The following IRGM variants were observed in gnomAD, a reference collection of about 807,000 sequenced individuals.
IRGM encodes immunity related GTPase M, also known as immunity-related GTPase family M protein.
For synonymous variants in IRGM, 98 were observed against 80.6 expected (o/e 1.22, Z -1.16); for missense variants, 288 against 219.9 (o/e 1.31, Z -1.96).
In IRGM at chr5:150,848,381, G is replaced by A; in HGVS notation, c.258G>A (p.Val86=). 1.3e-6 allele frequency: 2 copies of A among 1,551,806 alleles called. No individual in the cohort carries two copies. Among genetic ancestry groups the A allele is most frequent in the Non-Finnish European group, 1.7e-6 (2 of 1,146,970 alleles). The stretch of plus-strand genomic sequence containing the variant: ...ATTTCTCTTCCCACTTTTCAAATGT[G>A]GTGTTGTGGGACCTGCCTGGCACAG... ...ASYFSSHFSN[V]VLWDLPGTGS... is the part of the protein sequence containing the mutation. The change falls in exon 2 of 2, where the codon GTG becomes GTA. Residue 86 remains valine (V), a synonymous_variant. Transcript: ENST00000522154.
chr5:150,869,895 T>G (rs1180788893), intron 1 of IRGM, among the ~76,000 whole-genome samples: 2 of 152,114 alleles, frequency 1.3e-5, no homozygotes. Flanking sequence ...TCAATTTGTC[T>G]CATGTTGCTC....
In IRGM at chr5:150,858,695, A is replaced by T. The variant is rs1581641993; in HGVS notation, c.158+10041A>T. ...TTTATTCTCTTTGAAGCAATTGTGA[A>T]TGGGAGTTCACTCATGATTTGGCTC... On this transcript the variant is annotated intron_variant and NMD_transcript_variant, in intron 1 of 3. Coordinates refer to the IRGM transcript ENST00000520549. Among the ~76,000 whole-genome samples, 6 of 151,996 alleles carry T rather than the reference A, an allele frequency of 3.9e-5. No individual in the cohort carries two copies. The South Asian group carries it at 1.2e-3, about 32-fold the overall frequency.
downstream of IRGM, among the ~76,000 whole-genome samples, chr5:150,850,857 C>T (rs1305334946): frequency 2.0e-5 from 3 of 152,140 alleles, no homozygotes; most frequent in Non-Finnish European, 4.4e-5. Context: ...AGCTCCCAGG[C>T]CCAGGAGGAC....
chr5:150,899,409 ACAT>A (rs1232115114), intron 3 of IRGM, among the ~76,000 whole-genome samples: 4 of 151,636 alleles, frequency 2.6e-5, no homozygotes, highest in Non-Finnish European at 4.4e-5. Context: ...CTTTGTAAGT[ACAT>A]TTTTTTTTAA....
chr5:150,902,252 A>G (rs1162841817), downstream of IRGM, among the ~76,000 whole-genome samples: 1 of 152,214 alleles, frequency 6.6e-6, no homozygotes, highest in African/African-American at 2.4e-5. Context: ...CACTAATCCT[A>G]CAAATTCTGA....
intron 3 of IRGM, chr5:150,894,897 G>A (rs1754700799): frequency 1.3e-5 from 2 of 152,292 alleles, no homozygotes; most frequent in African/African-American, 4.8e-5. Flanking sequence ...TGCTTGAGAT[G>A]GGAAAATGCA....
intron 3 of IRGM, among the ~76,000 whole-genome samples, chr5:150,893,357 G>A (rs1754648953): frequency 6.6e-6 from 1 of 152,126 alleles, no homozygotes; most frequent in South Asian, 2.1e-4. Flanking sequence ...AGTCTAATAA[G>A]TTATCCAAAT....
chr5:150,896,961 T>C, intron 3 of IRGM: 1 of 1,608,798 alleles, frequency 6.2e-7, no homozygotes, highest in Non-Finnish European at 8.5e-7. Context: ...GTTGTGAAGG[T>C]TACTCTTCCT....
chr5:150,894,423 T>G (rs1161334701), intron 3 of IRGM: 11 of 152,222 alleles, frequency 7.2e-5, no homozygotes, highest in Non-Finnish European at 1.6e-4. Flanking sequence ...CCACGGTTTA[T>G]GTAAGTATAT....
downstream of IRGM, among the ~76,000 whole-genome samples, chr5:150,853,189 C>T (rs1021156138): frequency 6.6e-6 from 1 of 151,986 alleles, no homozygotes; most frequent in African/African-American, 2.4e-5. Flanking sequence ...TTATTTAACC[C>T]ATTGGTTGTT....
chr5:150,889,912 A>G (rs1003990255), intron 3 of IRGM, among the ~76,000 whole-genome samples: 35 of 152,174 alleles, frequency 2.3e-4, no homozygotes, highest in African/African-American at 7.9e-4. Flanking sequence ...TCCTTTTTAT[A>G]TAATGTGATA....
At chr5:150,880,891 C>T (rs1216708181) in intron 3 of IRGM, among the ~76,000 whole-genome samples, 1 of 152,140 alleles carries the variant, frequency 6.6e-6, no homozygotes, top group East Asian at 1.9e-4. Context: ...CTTCGGGAGG[C>T]TGAGGTGGGC....
At position 150,889,177 on chromosome 5, in the gene IRGM, G is replaced by A. The variant is rs138265773; in HGVS notation, c.*140+9531G>A. On this transcript the variant is annotated intron_variant and NMD_transcript_variant, in intron 3 of 3. Coordinates refer to the IRGM transcript ENST00000520549. The stretch of plus-strand genomic sequence containing the variant: ...TTTACATACATGACCGTATTAGTTC[G>A]TTTTCATGCTGCTGACAAAGACATA... Among the ~76,000 whole-genome samples, 283 of 150,446 alleles carry A rather than the reference G, an allele frequency of 1.9e-3. 3 individuals carry two copies. The highest frequency in any genetic ancestry group is 6.2e-3 in the African/African-American group (250 of 40,500).
intron 3 of IRGM, among the ~76,000 whole-genome samples, chr5:150,883,529 A>T (rs1333474556): frequency 1.3e-5 from 2 of 151,846 alleles, no homozygotes; most frequent in Non-Finnish European, 2.9e-5. Context: ...AAGCAAGAAG[A>T]CAAAATCAGA....
At chr5:150,873,670 C>T (rs1234125952) in intron 1 of IRGM, among the ~76,000 whole-genome samples, 2 of 152,118 alleles carry the variant, frequency 1.3e-5, no homozygotes, top group African/African-American at 2.4e-5. Flanking sequence ...CTGGACTCAT[C>T]CTGTGGTCAT....
intron 3 of IRGM, among the ~76,000 whole-genome samples, chr5:150,887,285 T>G (rs772226133): frequency 4.0e-5 from 6 of 151,762 alleles, no homozygotes; most frequent in Non-Finnish European, 7.4e-5. Flanking sequence ...ATACAAGAAT[T>G]TCACAATGCA....
intron 1 of IRGM, among the ~76,000 whole-genome samples, chr5:150,862,774 T>C (rs1057160488): frequency 3.9e-5 from 6 of 152,268 alleles, no homozygotes; most frequent in African/African-American, 1.4e-4. Flanking sequence ...AACTAAGAGA[T>C]ACAAGAAGCA....
Position 150,846,687 on chromosome 5 carries a change from C to T in IRGM, c.-949C>T, listed in dbSNP as rs1200675152. The T allele has an allele frequency of 7.0e-6, 1 of 141,920 alleles. No homozygotes were observed. Among genetic ancestry groups the T allele is most frequent in the African/African-American group, 3.0e-5 (1 of 33,432 alleles). The allele number at this position is 141,920 out of a possible 1,614,324, so 8.8% of individuals were successfully genotyped here. ...CCTGAAACCTGTGAAACAACGAACC[C>T]CCCGGGGAGAAACGAACAACTCCAG... On this transcript the variant is annotated 5_prime_UTR_variant, in exon 1 of 2. Coordinates refer to ENST00000522154, the MANE Select transcript of IRGM (RefSeq NM_001145805.2).
intron 3 of IRGM, chr5:150,897,843 A>G: frequency 2.1e-6 from 1 of 474,784 alleles, no homozygotes; most frequent in South Asian, 7.1e-5. Flanking sequence ...TTGCCTTTAA[A>G]ACCCTTTCAG....
Sources: gnomAD v4.1 joint callset for allele counts (sites outside exome capture counted in the v4.1 genomes callset) on GRCh38, gnomAD v4.1.1 for gene constraint, MANE v1.5 for transcripts, NCBI Gene and HGNC (gene_info 2026-07-23, HGNC 2026-07-21) for gene names.